The following LIMK1 variants were observed in gnomAD, a reference collection of about 807,000 sequenced individuals.
LIMK1 encodes LIM motif-containing protein kinase.
A neutral mutation model predicts 77.6 loss-of-function variants in LIMK1; 21 were observed. That is an observed-to-expected ratio of 0.27 (90% CI 0.19 to 0.39). The LOEUF (loss-of-function observed/expected upper bound fraction) is 0.39. LIMK1 is among the 10% of genes least tolerant of loss of function. The pLI is 1.00. For missense variants in LIMK1, 696 were observed against 901.6 expected, an observed-to-expected ratio of 0.77 and a Z score of 2.92; for synonymous variants, 358 against 370.0, an observed-to-expected ratio of 0.97 and a Z score of 0.37.
At chr7:74,116,074 C>T (rs2285026) in intron 13 of LIMK1, 116 bp downstream of exon 13, 149,968 of 1,067,138 alleles carry the variant, frequency 0.14, 11,243 homozygotes, top group South Asian at 0.23. Context: ...CTTCAGTTAC[C>T]CTGTGGGTCC....
rs1208647820 is a variant in LIMK1, at chr7:74,086,651, C to T, written c.152+807C>T. Among the ~76,000 whole-genome samples the T allele has an allele frequency of 2.6e-5, 4 of 152,248 alleles. No individual in the cohort carries two copies. In the East Asian group the frequency reaches 5.8e-4, roughly 22 times the overall value. On this transcript the variant is annotated intron_variant, in intron 2 of 15. Coordinates refer to ENST00000336180, the MANE Select transcript of LIMK1 (RefSeq NM_002314.4). ...TGCTAGGCTTACAGGCGTGAGCTAA[C>T]GCCTTGGCCTCTGTTGTCATCCTAG... is the stretch of plus-strand genomic sequence containing the variant.
intron 9 of LIMK1, 116 bp from the exon 10 acceptor site, chr7:74,108,789 G>A: frequency 6.8e-7 from 1 of 1,476,960 alleles, no homozygotes; most frequent in Non-Finnish European, 9.0e-7. Flanking sequence ...GGGAGCTGGG[G>A]GTTCCGTATC....
intron 3 of LIMK1, 62 bp downstream of exon 3, chr7:74,096,822 C>T: frequency 7.2e-6 from 11 of 1,519,528 alleles, no homozygotes; most frequent in Non-Finnish European, 8.9e-6. Context: ...ACCCCATGCT[C>T]CAGGTCTCTC....
At chr7:74,095,433 G>A (rs1799319700) in intron 2 of LIMK1, among the ~76,000 whole-genome samples, 1 of 152,052 alleles carries the variant, frequency 6.6e-6, no homozygotes, top group South Asian at 2.1e-4. Context: ...TTAGAGAGAG[G>A]GTCTTGCTGT....
chr7:74,106,170 A>T lies in LIMK1; in HGVS notation c.808A>T (p.Thr270Ser). The change falls in exon 7 of 16, where the codon ACC becomes TCC. Residue 270 changes from threonine (T) to serine (S), a missense_variant. Around this residue, in one of 3 missense-constraint regions of LIMK1, gnomAD observed 438 missense variants for 602.3 expected, o/e 0.73. Transcript: ENST00000336180. The part of the protein sequence containing the change: ...DTLGHGLGPE[T>S]SPLSSPAYTP... ...ACTGGGCCACGGGCTGGGGCCTGAG[A>T]CCAGCCCCCTGAGCTCTCCGGCTTA... 6.2e-7 allele frequency: 1 copy of T among 1,613,990 alleles called. No homozygotes were observed. Among genetic ancestry groups the T allele is most frequent in the Non-Finnish European group, 8.5e-7 (1 of 1,179,986 alleles).
chr7:74,109,029 A>G lies in LIMK1; in HGVS notation c.1277A>G (p.Lys426Arg). Residue 426 changes from lysine to arginine, a missense_variant, in exon 10 of 16, where the codon AAG becomes AGG. Physicochemically the swap from Lys to Arg is conservative, Grantham distance 26. This residue lies in a region of LIMK1 where 438 missense variants were observed against 602.3 expected (regional missense o/e 0.73). Transcript: ENST00000336180. ...IKGGTLRGII[K>R]SMDSQYPWSQ... is the part of the protein sequence containing the mutation. The stretch of plus-strand genomic sequence containing the variant: ...GGCGGCACGCTCCGGGGCATCATCA[A>G]GAGCATGGTGAGTCCTGGGCAGAGC... 1 of 1,613,184 alleles carries G rather than the reference A, an allele frequency of 6.2e-7. No individual in the cohort carries two copies. The highest frequency in any genetic ancestry group is 1.1e-5 in the South Asian group (1 of 90,970).
intron 12 of LIMK1, among the ~76,000 whole-genome samples, chr7:74,112,300 C>T (rs1181278227): frequency 6.6e-6 from 1 of 152,120 alleles, no homozygotes; most frequent in East Asian, 1.9e-4. Context: ...GGACCAGGAC[C>T]GTGGTCTTCA....
At chr7:74,104,814 G>C (rs1413582559) in intron 5 of LIMK1, among the ~76,000 whole-genome samples, 1 of 152,172 alleles carries the variant, frequency 6.6e-6, no homozygotes, top group African/African-American at 2.4e-5. Flanking sequence ...CAATGCAGGA[G>C]CAATAGAGCT....
chr7:74,103,627 G>T (rs1554696921), intron 5 of LIMK1, among the ~76,000 whole-genome samples: 1 of 152,048 alleles, frequency 6.6e-6, no homozygotes, highest in Non-Finnish European at 1.5e-5. Flanking sequence ...TAAATATCCT[G>T]TTCCCAAAAA....
intron 2 of LIMK1, among the ~76,000 whole-genome samples, chr7:74,086,532 T>C (rs943158206): frequency 2.0e-5 from 3 of 152,042 alleles, no homozygotes; most frequent in African/African-American, 7.2e-5. Flanking sequence ...GCTAATTTTT[T>C]AAATTTTGTG....
At chr7:74,093,231 C>G in intron 2 of LIMK1, 1 of 1,535,734 alleles carries the variant, frequency 6.5e-7, no homozygotes, top group Non-Finnish European at 8.7e-7. Context: ...CTCCAGAGCC[C>G]CCAGTGTAGC....
At chr7:74,089,809 A>T (rs182655062) in intron 2 of LIMK1, among the ~76,000 whole-genome samples, 37 of 152,140 alleles carry the variant, frequency 2.4e-4, no homozygotes, top group Middle Eastern at 3.4e-3. Flanking sequence ...TGGCCCTGAG[A>T]TGGTGAGTGG....
chr7:74,085,672 G>T, intron 1 of LIMK1, 76 bp from the exon 2 acceptor site: 1 of 1,140,386 alleles, frequency 8.8e-7, no homozygotes, highest in South Asian at 1.3e-5. Context: ...GTATATGTGG[G>T]GTGGGCAGGG....
intron 2 of LIMK1, chr7:74,094,329 G>A (rs1425678575): frequency 6.6e-6 from 1 of 152,282 alleles, no homozygotes; most frequent in Non-Finnish European, 1.5e-5. Context: ...CAACAGTGAT[G>A]AAGGTTTGTG....
chr7:74,111,795 AGGG>A, intron 11 of LIMK1, 88 bp downstream of exon 11: 1 of 1,467,272 alleles, frequency 6.8e-7, no homozygotes. Flanking sequence ...AAGAGGGCAG[AGGG>A]GGTCGATGGG....
intron 9 of LIMK1, among the ~76,000 whole-genome samples, chr7:74,108,499 G>A (rs1799628100): frequency 6.6e-6 from 1 of 151,778 alleles, no homozygotes; most frequent in African/African-American, 2.4e-5. Flanking sequence ...ACAAAAATTA[G>A]CCCAGCATGA....
At chr7:74,084,888 T>G (rs555573592) in intron 1 of LIMK1, among the ~76,000 whole-genome samples, 72 of 152,026 alleles carry the variant, frequency 4.7e-4, no homozygotes, top group African/African-American at 1.7e-3. Context: ...CACCAACTCT[T>G]CCCAGGCCCA....
chr7:74,112,302 TG>T (rs1239832814), intron 12 of LIMK1, among the ~76,000 whole-genome samples: 3 of 152,238 alleles, frequency 2.0e-5, no homozygotes, highest in Non-Finnish European at 4.4e-5. Context: ...ACCAGGACCG[TG>T]GTCTTCATAG....
At chr7:74,084,139 GC>G in intron 1 of LIMK1, 94 bp downstream of exon 1, 1 of 553,386 alleles carries the variant, frequency 1.8e-6, no homozygotes. Flanking sequence ...AGGAGGCCGC[GC>G]CCCTGCCTCC....
Sources: gnomAD v4.1 joint callset for allele counts (sites outside exome capture counted in the v4.1 genomes callset) on GRCh38, gnomAD v4.1.1 for gene constraint, gnomAD v4.1.1 regional missense constraint, MANE v1.5 for transcripts, NCBI Gene and HGNC (gene_info 2026-07-23, HGNC 2026-07-21) for gene names.